ABCA5: variants seen among roughly 807,000 people sequenced by gnomAD.
The protein encoded by ABCA5 is cholesterol transporter ABCA5.
ABCA5 carries 163 observed loss-of-function variants against 206.0 expected under a neutral mutation model. The observed-to-expected ratio is 0.79, with a 90% CI of 0.70 to 0.90. The LOEUF (loss-of-function observed/expected upper bound fraction) is 0.90. Ranked by LOEUF, ABCA5 falls within the 40% of genes least tolerant of loss-of-function variation. ABCA5 has a pLI of 0.00. For missense variants in ABCA5, 1,859 were observed against 1,912.9 expected (o/e 0.97, Z 0.53); for synonymous variants, 609 against 613.8 (o/e 0.99, Z 0.11).
At chr17:69,259,647 G>T (rs921838027) in intron 28 of ABCA5, 59 bp downstream of exon 28, 1 of 1,171,438 alleles carries the variant, frequency 8.5e-7, no homozygotes, top group East Asian at 2.6e-5. Context: ...TTATGGTAAT[G>T]GTTACACAGT....
At chr17:69,266,128 T>C (rs1014344890) in intron 23 of ABCA5, among the ~76,000 whole-genome samples, 3 of 152,136 alleles carry the variant, frequency 2.0e-5, no homozygotes, top group Non-Finnish European at 4.4e-5. Flanking sequence ...ACAAATAGGA[T>C]GAACTTCAAA....
intron 23 of ABCA5, among the ~76,000 whole-genome samples, chr17:69,266,177 C>T (rs1337753085): frequency 6.6e-6 from 1 of 152,070 alleles, no homozygotes; most frequent in Non-Finnish European, 1.5e-5. Flanking sequence ...CAAAAGAAAA[C>T]TTATTGTGAT....
intron 1 of ABCA5, among the ~76,000 whole-genome samples, chr17:69,322,082 G>C (rs1418216540): frequency 6.6e-6 from 1 of 151,970 alleles, no homozygotes; most frequent in Non-Finnish European, 1.5e-5. Context: ...TAAAGTACTG[G>C]TTACTACGGC....
chr17:69,287,170 C>T (rs1016649655), intron 15 of ABCA5, among the ~76,000 whole-genome samples: 1 of 152,234 alleles, frequency 6.6e-6, no homozygotes, highest in Non-Finnish European at 1.5e-5. Context: ...ATCTTGAACA[C>T]TGAGTATATA....
intron 38 of ABCA5, among the ~76,000 whole-genome samples, chr17:69,248,047 T>C (rs898112206): frequency 6.6e-6 from 1 of 152,082 alleles, no homozygotes; most frequent in Non-Finnish European, 1.5e-5. Context: ...CAGTGTGATT[T>C]GTCAATTTAA....
In ABCA5 at chr17:69,253,786, G is replaced by A; in HGVS notation, c.4320+8C>T. On this transcript the variant is annotated splice_region_variant and intron_variant, in intron 33 of 38. Transcript: ENST00000392676. ...ATACAGGCATTATTTGGTGTTTAAT[G>A]AAAGTACCTTTCGTTTGATTCCTGC... 1 of 1,610,412 alleles carries A rather than the reference G, an allele frequency of 6.2e-7. No homozygotes were observed. The highest frequency in any genetic ancestry group is 8.5e-7 in the Non-Finnish European group (1 of 1,177,314).
rs1462138196 is a variant in ABCA5 at position 69,246,683 on chromosome 17, T to G, written c.*854A>C. 1.3e-5 allele frequency: 2 copies of G among 151,844 alleles called. No homozygotes were observed. Among genetic ancestry groups the G allele is most frequent in the African/African-American group, 4.8e-5 (2 of 41,436 alleles). 9.4% of individuals were successfully genotyped at this position (151,844 alleles called of 1,614,324 possible). On this transcript the variant is annotated 3_prime_UTR_variant, in exon 39 of 39. Coordinates refer to ENST00000392676, the MANE Select transcript of ABCA5 (RefSeq NM_172232.4). ...AAAATATTTTATTCAAGAACAAAAT[T>G]AAATGTGCCCTTTGCAAGGAAGATG...
intron 24 of ABCA5, among the ~76,000 whole-genome samples, chr17:69,263,130 T>C (rs962623703): frequency 3.3e-5 from 5 of 152,232 alleles, no homozygotes; most frequent in African/African-American, 9.6e-5. Context: ...AGATTCTGGA[T>C]ACTTGGCCTT....
Position 69,309,423 on chromosome 17 carries a change from A to G in ABCA5, c.308T>C (p.Val103Ala). 1 of 1,543,090 alleles carries G rather than the reference A, an allele frequency of 6.5e-7. No individual in the cohort carries two copies. Residue 103 changes from valine (V) to alanine (A), a missense_variant and splice_region_variant, in exon 4 of 39, where the codon GTC becomes GCC. Physicochemically the swap from Val to Ala is moderately conservative, Grantham distance 64. Coordinates refer to ENST00000392676, the MANE Select transcript of ABCA5 (RefSeq NM_172232.4). ...QKVSTDHLPD[V>A]IITEEYTNEK... is the part of the protein sequence containing the mutation. ...ATTTGTATATTCTTCAGTAATTATG[A>G]CTGTAAGATATCATAACAATATAGT...
At chr17:69,260,510 TATA>T (rs1216474314) in intron 26 of ABCA5, 98 bp from the exon 27 acceptor site, 10 of 787,794 alleles carry the variant, frequency 1.3e-5, no homozygotes, top group Admixed American at 5.6e-5. Context: ...GTGTACTTTC[TATA>T]ATAAGTTAGC....
rs1402595257 is a variant in ABCA5, at chr17:69,247,558, T to C, written c.4908A>G (p.Gln1636=). The C allele has an allele frequency of 5.0e-6, 8 of 1,607,184 alleles. No homozygotes were observed. Among genetic ancestry groups the C allele is most frequent in the Non-Finnish European group, 5.9e-6 (7 of 1,176,632 alleles). ...LNSTLWWERT[Q]EDRVVF ...AAATTCAAAATACTACTCTATCTTC[T>C]TGTGTTCGTTCCCACCAAAGTGTGC... Residue 1636 remains glutamine (Q), a synonymous_variant, in exon 39 of 39, where the codon CAA becomes CAG. Coordinates refer to ENST00000392676, the MANE Select transcript of ABCA5 (RefSeq NM_172232.4).
intron 7 of ABCA5, 81 bp from the exon 8 acceptor site, chr17:69,302,987 A>G: frequency 1.5e-6 from 1 of 689,568 alleles, no homozygotes; most frequent in Non-Finnish European, 2.1e-6. Context: ...CTTCTGAAAG[A>G]ACAAGCTATT....
chr17:69,304,668 C>G lies in ABCA5; in HGVS notation c.930+1G>C. 1.3e-6 allele frequency: 2 copies of G among 1,564,810 alleles called. No individual in the cohort carries two copies. The highest frequency in any genetic ancestry group is 1.7e-6 in the Non-Finnish European group (2 of 1,157,518). On this transcript the variant is annotated splice_donor_variant, in intron 7 of 38. Transcript: ENST00000392676. LOFTEE classifies it high-confidence loss of function. ...TTCCTATCACAAGTTAAAATACTTACAGATGATAATCCATAAAGGAAAAAA... is the reference window on the plus strand; with the variant it reads ...TTCCTATCACAAGTTAAAATACTTAGAGATGATAATCCATAAAGGAAAAAA...
intron 3 of ABCA5, among the ~76,000 whole-genome samples, chr17:69,312,253 C>T (rs368491071): frequency 2.6e-5 from 4 of 152,170 alleles, no homozygotes; most frequent in East Asian, 3.9e-4. Flanking sequence ...TCACTGCTTA[C>T]ACTGTTTTCT....
chr17:69,304,778 A>G lies in ABCA5; in HGVS notation c.821T>C (p.Ile274Thr). Reference sequence around the variant, plus strand: ...TGCCATAAGAAGGGACATAAGAAAAATTAAACTTGTATATAGAAGAACCCA... The same window carrying G: ...TGCCATAAGAAGGGACATAAGAAAAGTTAAACTTGTATATAGAAGAACCCA... ...LSWVLLYTSLIFLMSLLMAVI... is the reference protein window; with the variant it reads ...LSWVLLYTSLTFLMSLLMAVI... Residue 274 changes from isoleucine to threonine, a missense_variant, in exon 7 of 39, where the codon ATT (isoleucine) becomes ACT (threonine). Transcript: ENST00000392676. The G allele has an allele frequency of 6.2e-7, 1 of 1,606,778 alleles. No individual in the cohort carries two copies.
chr17:69,279,935 A>C (rs1214850389), intron 18 of ABCA5, among the ~76,000 whole-genome samples: 1 of 152,222 alleles, frequency 6.6e-6, no homozygotes, highest in African/African-American at 2.4e-5. Context: ...AAACCCTAGA[A>C]GAAAACCTAG....
In ABCA5 at chr17:69,297,220, A is replaced by G. The variant is rs751606995; in HGVS notation, c.1407T>C (p.Ser469=). 8.1e-6 allele frequency: 13 copies of G among 1,611,680 alleles called. No homozygotes were observed. In the Admixed American group the frequency reaches 2.0e-4, roughly 25 times the overall value. The part of the protein sequence containing the change: ...ISFSEIIEPV[S]SEFVGKEAIR... Reference sequence around the variant, plus strand: ...TGGCTTCTTTTCCTACAAATTCTGAAGAAACTGGCTCAATAATTTCACTAA... The same window carrying G: ...TGGCTTCTTTTCCTACAAATTCTGAGGAAACTGGCTCAATAATTTCACTAA... The change falls in exon 10 of 39, where the codon TCT becomes TCC. Residue 469 remains serine, a synonymous_variant. Coordinates refer to ENST00000392676, the MANE Select transcript of ABCA5 (RefSeq NM_172232.4).
intron 34 of ABCA5, among the ~76,000 whole-genome samples, chr17:69,252,546 T>C (rs2075027633): frequency 6.6e-6 from 1 of 151,230 alleles, no homozygotes; most frequent in African/African-American, 2.4e-5. Flanking sequence ...GCTTAAAGAG[T>C]TGTTCAAGGC....
chr17:69,253,968 C>T, intron 32 of ABCA5, 99 bp from the exon 33 acceptor site: 7 of 980,834 alleles, frequency 7.1e-6, no homozygotes, highest in Admixed American at 2.5e-5. Flanking sequence ...AGAATAGTTA[C>T]TTAGTCGAAG....
Sources: gnomAD v4.1 joint callset for allele counts (sites outside exome capture counted in the v4.1 genomes callset) on GRCh38, gnomAD v4.1.1 for gene constraint, MANE v1.5 for transcripts, NCBI Gene and HGNC (gene_info 2026-07-23, HGNC 2026-07-21) for gene names.